Variants in SNX29 observed in about 807,000 individuals in gnomAD.
The protein encoded by SNX29 is sorting nexin-29.
In SNX29, 78 loss-of-function variants were observed where a neutral mutation model predicts 102.1. The ratio of observed to expected loss-of-function variants is 0.76; its 90% CI spans 0.64 to 0.92. The LOEUF is 0.92. Ranked by LOEUF, SNX29 falls within the 40% of genes least tolerant of loss-of-function variation. SNX29 has a pLI of 0.00. For missense variants in SNX29, 1,280 were observed against 1,061.7 expected (o/e 1.21, Z -2.86); for synonymous variants, 580 against 414.5 (o/e 1.40, Z -4.85).
At chr16:12,027,795 A>G (rs1164412665) in intron 4 of SNX29, 1 of 176,704 alleles carries the variant, frequency 5.7e-6, no homozygotes, top group East Asian at 1.6e-4. Context: ...GGCATTTCAT[A>G]ATTAATGTCT....
chr16:12,338,892 C>A (rs1037195199), intron 15 of SNX29, among the ~76,000 whole-genome samples: 1 of 152,200 alleles, frequency 6.6e-6, no homozygotes, highest in African/African-American at 2.4e-5. Context: ...AAAATCATAA[C>A]AGTGTTTCCA....
At chr16:12,006,888 G>C (rs565037730) in intron 3 of SNX29, among the ~76,000 whole-genome samples, 25 of 152,280 alleles carry the variant, frequency 1.6e-4, no homozygotes, top group Non-Finnish European at 2.9e-4. Flanking sequence ...CAAAGTGTTG[G>C]TATTACAGGT....
chr16:12,199,698 G>A lies in SNX29; in HGVS notation c.1678+15G>A, dbSNP rs748499516. The A allele has an allele frequency of 5.0e-6, 8 of 1,609,070 alleles. No individual in the cohort carries two copies. In the South Asian group the frequency reaches 8.9e-5, roughly 18 times the overall value. Reference sequence around the variant, plus strand: ...AACAGCTGAAGGTGAGGGGGAGCCTGAGCCCGGGTTGGGAGGGGCCGGGCT... The same window carrying A: ...AACAGCTGAAGGTGAGGGGGAGCCTAAGCCCGGGTTGGGAGGGGCCGGGCT... On this transcript the variant is annotated intron_variant, in intron 14 of 20. Transcript: ENST00000566228.
At chr16:12,201,471 T>C (rs1288347756) in intron 14 of SNX29, among the ~76,000 whole-genome samples, 5 of 152,226 alleles carry the variant, frequency 3.3e-5, no homozygotes, top group Non-Finnish European at 5.9e-5. Context: ...TTTTAAAGTT[T>C]GTTATTAGAG....
chr16:12,514,474 T>C (rs1452283820), intron 19 of SNX29, among the ~76,000 whole-genome samples: 1 of 152,200 alleles, frequency 6.6e-6, no homozygotes, highest in Non-Finnish European at 1.5e-5. Context: ...ATCAGGCCTC[T>C]TGGGGCCAAT....
At chr16:12,460,733 A>G (rs544203082) in intron 18 of SNX29, among the ~76,000 whole-genome samples, 195 of 150,698 alleles carry the variant, frequency 1.3e-3, no homozygotes, top group African/African-American at 4.6e-3. Flanking sequence ...TCTCAGCTCA[A>G]TGCAACCTCC....
In SNX29 at chr16:12,027,440, A is replaced by G. The variant is rs749938861; in HGVS notation, c.243A>G (p.Glu81=). The change falls in exon 4 of 21, where the codon GAA becomes GAG. Residue 81 remains glutamate (E), a synonymous_variant. Transcript: ENST00000566228. The part of the protein sequence containing the change: ...KQAAGFASKT[E]TEPVFWYYVK... ...CAGCGGGCTTTGCCAGCAAAACCGA[A>G]ACAGGTACTGCTCTGCCTGGCTGTA... The G allele has an allele frequency of 1.7e-5, 27 of 1,613,822 alleles. No individual in the cohort carries two copies. In the Admixed American group the frequency reaches 3.8e-4, roughly 23 times the overall value.
intron 13 of SNX29, among the ~76,000 whole-genome samples, chr16:12,193,217 T>A (rs923156778): frequency 3.9e-5 from 6 of 152,188 alleles, no homozygotes; most frequent in African/African-American, 1.2e-4. Context: ...GAGTAAGCAT[T>A]CCATTACTTA....
chr16:12,268,541 C>A (rs1046434639), intron 14 of SNX29, among the ~76,000 whole-genome samples: 46 of 152,096 alleles, frequency 3.0e-4, no homozygotes, highest in Non-Finnish European at 6.0e-4. Context: ...TGTGGGTAAC[C>A]GGTGTCTTGT....
At chr16:12,207,800 G>T (rs80247422) in intron 14 of SNX29, among the ~76,000 whole-genome samples, 1 of 152,176 alleles carries the variant, frequency 6.6e-6, no homozygotes. Context: ...CGAGCAGTAA[G>T]CAGAGTCTGG....
chr16:12,377,636 G>A (rs1313544277), intron 16 of SNX29, among the ~76,000 whole-genome samples: 1 of 152,154 alleles, frequency 6.6e-6, no homozygotes, highest in Non-Finnish European at 1.5e-5. Flanking sequence ...CCGGTACGTA[G>A]TAGGCAATCA....
intron 13 of SNX29, among the ~76,000 whole-genome samples, chr16:12,151,026 A>G (rs1337170932): frequency 6.6e-6 from 1 of 152,176 alleles, no homozygotes. Context: ...CAAAATGTTA[A>G]TATGTTTGTT....
chr16:12,014,747 A>T (rs984673320), intron 3 of SNX29, among the ~76,000 whole-genome samples: 1 of 151,500 alleles, frequency 6.6e-6, no homozygotes, highest in African/African-American at 2.4e-5. Context: ...AAAAAAAAAA[A>T]AAAGAAAAGA....
intron 11 of SNX29, 30 bp from the exon 12 acceptor site, chr16:12,126,603 A>G (rs752795336): frequency 6.2e-7 from 1 of 1,612,434 alleles, no homozygotes. Flanking sequence ...AGACCTGCCA[A>G]TTAATCTTGA....
intron 18 of SNX29, among the ~76,000 whole-genome samples, chr16:12,456,402 A>G (rs572484588): frequency 1.4e-4 from 21 of 152,208 alleles, no homozygotes; most frequent in Non-Finnish European, 2.6e-4. Flanking sequence ...ACTAGGCAAG[A>G]TAATTGCTCA....
At chr16:12,554,691 C>A (rs562113829) in intron 20 of SNX29, among the ~76,000 whole-genome samples, 1 of 152,300 alleles carries the variant, frequency 6.6e-6, no homozygotes, top group South Asian at 2.1e-4. Flanking sequence ...TTCTCAGCAT[C>A]CCTGCCCATG....
At chr16:12,062,377 A>AAAAT (rs34207508) in intron 9 of SNX29, among the ~76,000 whole-genome samples, 91,273 of 137,434 alleles carry the variant, frequency 0.66, 31,517 homozygotes, top group Non-Finnish European at 0.74. Context: ...ACTCTGTCTC[A>AAAAT]AAATAAATAA....
At chr16:12,005,090 A>G (rs1247036073) in intron 3 of SNX29, among the ~76,000 whole-genome samples, 1 of 152,250 alleles carries the variant, frequency 6.6e-6, no homozygotes, top group Non-Finnish European at 1.5e-5. Flanking sequence ...ATTTGAAGGC[A>G]GAAAGGGTGT....
chr16:12,472,540 A>AC (rs1459246010), intron 18 of SNX29, among the ~76,000 whole-genome samples: 1 of 149,988 alleles, frequency 6.7e-6, no homozygotes, highest in African/African-American at 2.4e-5. Context: ...AAAAAAAAAA[A>AC]AAACAAAAAA....
Sources: gnomAD v4.1 joint callset for allele counts (sites outside exome capture counted in the v4.1 genomes callset) on GRCh38, gnomAD v4.1.1 for gene constraint, MANE v1.5 for transcripts, NCBI Gene and HGNC (gene_info 2026-07-23, HGNC 2026-07-21) for gene names.